SEMA5A: variants seen among roughly 807,000 people sequenced by gnomAD.
SEMA5A encodes semaphorin 5A.
In SEMA5A, 55 loss-of-function variants were observed where a neutral mutation model predicts 135.5. The observed-to-expected ratio is 0.41, with a 90% CI of 0.33 to 0.51. The LOEUF (loss-of-function observed/expected upper bound fraction) is 0.51. SEMA5A is among the 20% of genes least tolerant of loss of function. The probability of loss-of-function intolerance (pLI) is 0.37; values close to 1 mark genes in which losing one functional copy is unlikely to be tolerated. For missense variants in SEMA5A, 1,290 were observed against 1,419.9 expected, an observed-to-expected ratio of 0.91 and a Z score of 1.47; for synonymous variants, 580 against 546.5, an observed-to-expected ratio of 1.06 and a Z score of -0.85.
At chr5:9,393,708 A>G in intron 2 of SEMA5A, among the ~76,000 whole-genome samples, 1 of 152,250 alleles carries the variant, frequency 6.6e-6, no homozygotes, top group East Asian at 1.9e-4. Context: ...AGACACGTCT[A>G]ACAAACAAAT....
chr5:9,375,195 C>T (rs183612610), intron 3 of SEMA5A, among the ~76,000 whole-genome samples: 164 of 152,244 alleles, frequency 1.1e-3, no homozygotes, highest in African/African-American at 3.6e-3. Flanking sequence ...ATAAATGCTG[C>T]CTTTTATGTG....
intron 11 of SEMA5A, among the ~76,000 whole-genome samples, chr5:9,163,646 T>G (rs928449981): frequency 6.6e-6 from 1 of 152,214 alleles, no homozygotes; most frequent in Non-Finnish European, 1.5e-5. Flanking sequence ...AGTCCTGGCC[T>G]TCAGGACCTC....
At chr5:9,447,793 G>C (rs1295731630) in intron 1 of SEMA5A, among the ~76,000 whole-genome samples, 13 of 152,310 alleles carry the variant, frequency 8.5e-5, no homozygotes, top group Non-Finnish European at 1.8e-4. Context: ...ACATGTGGGG[G>C]AATGTAATGA....
intron 5 of SEMA5A, among the ~76,000 whole-genome samples, chr5:9,280,472 C>T (rs1561102561): frequency 6.6e-6 from 1 of 152,192 alleles, no homozygotes; most frequent in Non-Finnish European, 1.5e-5. Flanking sequence ...AACCAGGACT[C>T]CCTCAGCCTG....
intron 2 of SEMA5A, among the ~76,000 whole-genome samples, chr5:9,381,942 T>G (rs1038056404): frequency 2.7e-5 from 3 of 109,304 alleles, no homozygotes; most frequent in Admixed American, 9.3e-5. Context: ...TAGAATCATT[T>G]TGTGTGTGTG....
At chr5:9,385,911 C>T (rs13160675) in intron 2 of SEMA5A, among the ~76,000 whole-genome samples, 6,535 of 149,970 alleles carry the variant, frequency 0.044, 196 homozygotes, top group Middle Eastern at 0.072. Context: ...AAGCAATTCT[C>T]CTGCCTCAGC....
chr5:9,391,961 C>CCACACACATG (rs909839951), intron 2 of SEMA5A, among the ~76,000 whole-genome samples: 2 of 152,154 alleles, frequency 1.3e-5, no homozygotes, highest in Non-Finnish European at 2.9e-5. Flanking sequence ...TGTGCTCCCG[C>CCACACACATG]CACACACATG....
At chr5:9,061,863 A>G (rs564811299) in intron 18 of SEMA5A, among the ~76,000 whole-genome samples, 3 of 152,262 alleles carry the variant, frequency 2.0e-5, no homozygotes, top group East Asian at 1.9e-4. Flanking sequence ...GACAGAAGAC[A>G]TGAGGACCAA....
Position 9,224,751 on chromosome 5 carries a change from C to A in SEMA5A, c.569G>T (p.Arg190Leu). The change falls in exon 8 of 23, where the codon CGT (arginine) becomes CTT (leucine). Residue 190 changes from arginine to leucine, a missense_variant. Physicochemically the swap from Arg to Leu is moderately radical, Grantham distance 102 (BLOSUM62 -2). Transcript: ENST00000382496. ...TAGGCTTCGGTAAATGGCAGGATCA[C>A]GTCCTGGAAAATCCATGGCTGTAGC... The part of the protein sequence containing the change: ...YAATAMDFPG[R>L]DPAIYRSLGI... The A allele has an allele frequency of 6.2e-7, 1 of 1,614,132 alleles. No homozygotes were observed. The highest frequency in any genetic ancestry group is 8.5e-7 in the Non-Finnish European group (1 of 1,180,032).
intron 1 of SEMA5A, among the ~76,000 whole-genome samples, chr5:9,540,174 G>A (rs71597593): frequency 0.14 from 21,297 of 152,176 alleles, 1,788 homozygotes; most frequent in South Asian, 0.22. Context: ...GCCAGGCACT[G>A]TTCTAGGCAG....
intron 1 of SEMA5A, among the ~76,000 whole-genome samples, chr5:9,465,232 G>A (rs984809016): frequency 1.3e-5 from 2 of 152,202 alleles, no homozygotes; most frequent in African/African-American, 4.8e-5. Context: ...CTGCTTATCT[G>A]TGGGTCAGTA....
chr5:9,188,280 C>A (rs1408374399), intron 11 of SEMA5A, among the ~76,000 whole-genome samples: 1 of 152,186 alleles, frequency 6.6e-6, no homozygotes, highest in Admixed American at 6.5e-5. Flanking sequence ...AGACTTCTAA[C>A]CTTCAGAACC....
intron 5 of SEMA5A, among the ~76,000 whole-genome samples, chr5:9,283,009 T>C (rs1031803242): frequency 1.3e-5 from 2 of 152,154 alleles, no homozygotes; most frequent in African/African-American, 4.8e-5. Flanking sequence ...CACCCTGGCC[T>C]AAGCACAGTA....
At chr5:9,460,896 T>C (rs1759030699) in intron 1 of SEMA5A, among the ~76,000 whole-genome samples, 1 of 152,232 alleles carries the variant, frequency 6.6e-6, no homozygotes, top group African/African-American at 2.4e-5. Context: ...AAGACTTAAA[T>C]GTAGTTAAGC....
At chr5:9,410,207 T>C (rs1162852563) in intron 2 of SEMA5A, among the ~76,000 whole-genome samples, 5 of 152,134 alleles carry the variant, frequency 3.3e-5, no homozygotes, top group African/African-American at 1.2e-4. Context: ...AAAAATCATA[T>C]GATCATGTAG....
chr5:9,063,308 T>C (rs536317863), intron 17 of SEMA5A, among the ~76,000 whole-genome samples: 5 of 152,368 alleles, frequency 3.3e-5, no homozygotes, highest in Middle Eastern at 3.4e-3. Flanking sequence ...CTGCAATTAC[T>C]ATGAAATAAG....
intron 13 of SEMA5A, among the ~76,000 whole-genome samples, chr5:9,128,098 GA>G (rs531908006): frequency 6.6e-6 from 1 of 152,050 alleles, no homozygotes; most frequent in Non-Finnish European, 1.5e-5. Flanking sequence ...AAAGTACTTT[GA>G]AAAAAAGAGG....
At chr5:9,221,360 T>C (rs917723179) in intron 8 of SEMA5A, among the ~76,000 whole-genome samples, 8 of 144,444 alleles carry the variant, frequency 5.5e-5, no homozygotes, top group Admixed American at 3.7e-4. Context: ...TGGAGTGCAG[T>C]GGCGCGATCT....
chr5:9,224,617 A>G, intron 8 of SEMA5A, 57 bp downstream of exon 8: 1 of 1,531,812 alleles, frequency 6.5e-7, no homozygotes, highest in Admixed American at 1.7e-5. Context: ...TTGAGCACCA[A>G]ATCACCAGGA....
Sources: allele counts gnomAD v4.1 joint callset (sites outside exome capture counted in the v4.1 genomes callset), GRCh38; gene constraint gnomAD v4.1.1; transcripts MANE v1.5; gene names NCBI Gene and HGNC (gene_info 2026-07-23, HGNC 2026-07-21).